NPIPB15: variants seen among roughly 807,000 people sequenced by gnomAD.
NPIPB15 encodes the protein nuclear pore complex-interacting protein family member B15.
NPIPB15 carries 5 observed loss-of-function variants against 35.9 expected under a neutral mutation model. That is an observed-to-expected ratio of 0.14 (90% CI 0.07 to 0.29). NPIPB15 has a LOEUF of 0.29. Among genes scored for constraint, NPIPB15 ranks in the 10% least tolerant of loss-of-function variants. NPIPB15 has a pLI of 1.00. For synonymous variants in NPIPB15, 43 were observed against 182.0 expected, an observed-to-expected ratio of 0.24 and a Z score of 6.15; for missense variants, 100 against 506.1, an observed-to-expected ratio of 0.20 and a Z score of 7.70.
At position 74,376,631 on chromosome 16, in the gene NPIPB15, C is replaced by CCA. The variant is rs1282884652; in HGVS notation, c.-729_-728dup. On this transcript the variant is annotated 5_prime_UTR_variant, in exon 1 of 8. Coordinates refer to ENST00000692376, the MANE Select transcript of NPIPB15 (RefSeq NM_001306094.2). ...CTCATTTGGGTTCAGAATTTAAAGT[C>CCA]CACACACACAGGCAGTAAGATGATT... Among the ~76,000 whole-genome samples, 5 of 152,188 alleles carry CCA rather than the reference C, an allele frequency of 3.3e-5. No homozygotes were observed. Among genetic ancestry groups the CCA allele is most frequent in the East Asian group, 1.9e-4 (1 of 5,168 alleles).
At chr16:74,379,023 C>T (rs1380087803) in intron 2 of NPIPB15, among the ~76,000 whole-genome samples, 1 of 152,180 alleles carries the variant, frequency 6.6e-6, no homozygotes, top group Non-Finnish European at 1.5e-5. Context: ...TGGTTTTGAA[C>T]TCCCGACCTC....
At chr16:74,389,399 G>C (rs1488314523) in intron 5 of NPIPB15, among the ~76,000 whole-genome samples, 1 of 150,252 alleles carries the variant, frequency 6.7e-6, no homozygotes, top group African/African-American at 2.5e-5. Context: ...CTGAGATGGA[G>C]TCTCACTGTG....
chr16:74,388,766 G>A, intron 5 of NPIPB15: 1 of 964,152 alleles, frequency 1.0e-6, no homozygotes. Flanking sequence ...AGGTATCAGA[G>A]GCAGAGGAAA....
intron 2 of NPIPB15, among the ~76,000 whole-genome samples, chr16:74,379,404 G>A (rs1360622830): frequency 6.6e-6 from 1 of 152,118 alleles, no homozygotes; most frequent in Non-Finnish European, 1.5e-5. Flanking sequence ...AAATTGAGAT[G>A]TTTTCAAGAA....
chr16:74,377,521 G>A (rs1319179167), intron 1 of NPIPB15, among the ~76,000 whole-genome samples, 175 bp downstream of exon 1: 10 of 152,122 alleles, frequency 6.6e-5, no homozygotes, highest in Non-Finnish European at 1.3e-4. Flanking sequence ...GCTAAGGGAG[G>A]GCCCAGACCG....
intron 3 of NPIPB15, among the ~76,000 whole-genome samples, chr16:74,384,458 T>C (rs1252066296): frequency 9.6e-6 from 1 of 104,192 alleles, no homozygotes; most frequent in Non-Finnish European, 1.9e-5. Flanking sequence ...AACCTCTGCC[T>C]CCTGGGTTCA....
intron 5 of NPIPB15, among the ~76,000 whole-genome samples, chr16:74,389,434 G>A (rs1444556597): frequency 1.0e-4 from 15 of 149,696 alleles, no homozygotes; most frequent in African/African-American, 2.5e-4. Context: ...GTGCAATGAC[G>A]TGATCTTGGC....
intron 5 of NPIPB15, among the ~76,000 whole-genome samples, chr16:74,389,383 G>A (rs1402362075): frequency 6.7e-6 from 1 of 149,584 alleles, no homozygotes; most frequent in Admixed American, 7.0e-5. Flanking sequence ...TTTTGTTTTT[G>A]TTTTTCTGAG....
At chr16:74,382,646 T>C (rs1425231729) in intron 3 of NPIPB15, among the ~76,000 whole-genome samples, 2 of 152,396 alleles carry the variant, frequency 1.3e-5, no homozygotes, top group Non-Finnish European at 2.9e-5. Context: ...ACAGTAAAAA[T>C]GTGGTTTTCT....
At chr16:74,379,954 A>AT (rs1172863582) in intron 2 of NPIPB15, among the ~76,000 whole-genome samples, 27,952 of 139,212 alleles carry the variant, frequency 0.2, 886 homozygotes, top group African/African-American at 0.25. Context: ...TCTTCATTGT[A>AT]TTTTTTTTTT....
chr16:74,383,400 T>C (rs1425776286), intron 3 of NPIPB15, among the ~76,000 whole-genome samples: 1 of 151,592 alleles, frequency 6.6e-6, no homozygotes, highest in Non-Finnish European at 1.5e-5. Context: ...TGATGGCATT[T>C]CTTTGCTTCT....
chr16:74,387,349 A>G (rs1179550196), intron 5 of NPIPB15, among the ~76,000 whole-genome samples: 1 of 148,720 alleles, frequency 6.7e-6, no homozygotes, highest in Admixed American at 7.0e-5. Flanking sequence ...AATGAAACTC[A>G]GGGAAATGGA....
intron 2 of NPIPB15, among the ~76,000 whole-genome samples, chr16:74,378,619 C>T (rs1420035704): frequency 2.0e-5 from 3 of 149,242 alleles, no homozygotes; most frequent in Admixed American, 6.7e-5. Context: ...TTACCATGTT[C>T]GCCAGGATAG....
intron 7 of NPIPB15, 75 bp from the exon 8 acceptor site, chr16:74,391,316 C>T (rs1322475913): frequency 6.4e-7 from 1 of 1,564,760 alleles, no homozygotes; most frequent in Non-Finnish European, 8.6e-7. Flanking sequence ...ACAGAAGGTG[C>T]AGACTGTGTT....
chr16:74,385,018 TGTGTGTGTGTGTGTGTGACA>T, intron 3 of NPIPB15, among the ~76,000 whole-genome samples: 1 of 114,620 alleles, frequency 8.7e-6, no homozygotes, highest in African/African-American at 3.3e-5. Flanking sequence ...TGTGTGTGTG[TGTGTGTGTGTGTGTGTGACA>T]GAGTCTCATT....
At chr16:74,387,123 CG>C (rs2012323581) in intron 5 of NPIPB15, among the ~76,000 whole-genome samples, 1 of 151,908 alleles carries the variant, frequency 6.6e-6, no homozygotes, top group African/African-American at 2.4e-5. Context: ...TTGAGGTCGT[CG>C]GTGCAGGCTC....
intron 5 of NPIPB15, among the ~76,000 whole-genome samples, 172 bp downstream of exon 5, chr16:74,385,921 TC>T (rs2012255514): frequency 8.5e-6 from 1 of 117,264 alleles, no homozygotes; most frequent in Admixed American, 1.1e-4. Flanking sequence ...TCCTTTCCCT[TC>T]CTACATTCTT....
At chr16:74,391,223 T>G (rs578095251) in intron 7 of NPIPB15, 168 bp from the exon 8 acceptor site, 2 of 985,344 alleles carry the variant, frequency 2.0e-6, no homozygotes, top group African/African-American at 3.5e-5. Context: ...TCGGCAGTAC[T>G]CAGTGGAAGG....
chr16:74,387,972 C>A (rs1370332052), intron 5 of NPIPB15, among the ~76,000 whole-genome samples: 1 of 151,926 alleles, frequency 6.6e-6, no homozygotes, highest in Non-Finnish European at 1.5e-5. Context: ...GTGAACTGAA[C>A]CTTGTTAAAG....
Sources: gnomAD v4.1 joint callset for allele counts (sites outside exome capture counted in the v4.1 genomes callset) on GRCh38, gnomAD v4.1.1 for gene constraint, MANE v1.5 for transcripts, NCBI Gene and HGNC (gene_info 2026-07-23, HGNC 2026-07-21) for gene names.